TRRAP: variants seen among roughly 807,000 people sequenced by gnomAD.
The protein encoded by TRRAP is transformation/transcription domain-associated protein.
A neutral mutation model predicts 438.8 loss-of-function variants in TRRAP; 41 were observed. The observed-to-expected ratio is 0.09, with a 90% CI of 0.07 to 0.12. TRRAP has a LOEUF of 0.12. Among genes scored for constraint, TRRAP ranks in the 10% least tolerant of loss-of-function variants. The probability of loss-of-function intolerance (pLI) is 1.00; values close to 1 mark genes in which losing one functional copy is unlikely to be tolerated. For missense variants in TRRAP, 3,122 were observed against 5,055.1 expected, an observed-to-expected ratio of 0.62 and a Z score of 11.60; for synonymous variants, 1,994 against 1,962.9, an observed-to-expected ratio of 1.02 and a Z score of -0.42.
At chr7:98,939,380 A>G (rs968785690) in intron 30 of TRRAP, among the ~76,000 whole-genome samples, 1 of 152,230 alleles carries the variant, frequency 6.6e-6, no homozygotes, top group African/African-American at 2.4e-5. Flanking sequence ...TTATCTACAC[A>G]TGGAATGTAG....
chr7:98,931,424 C>T lies in TRRAP; in HGVS notation c.3611C>T (p.Ala1204Val). The change falls in exon 26 of 73, where the codon GCT becomes GTT. Residue 1204 changes from alanine to valine, a missense_variant. This residue lies in a region of TRRAP where 153 missense variants were observed against 223.0 expected (regional missense o/e 0.69). Coordinates refer to ENST00000456197, the MANE Select transcript of TRRAP (RefSeq NM_001375524.1). ...TTGCAGGTTTCCAATGGGGCAGTCG[C>T]TATGGCAAAGACCACGCTGGAGCAG... ...LTGEVSNGAV[A>V]MAKTTLEQLL... The T allele has an allele frequency of 6.2e-7, 1 of 1,613,970 alleles. No homozygotes were observed. The highest frequency in any genetic ancestry group is 8.5e-7 in the Non-Finnish European group (1 of 1,180,004).
rs745492211 is a variant in TRRAP at position 98,964,792 on chromosome 7, CG to C, written c.6976+22del. On this transcript the variant is annotated intron_variant, in intron 48 of 72. Coordinates refer to ENST00000456197, the MANE Select transcript of TRRAP (RefSeq NM_001375524.1). ...CCACCTCAGGTGATGTGCTGGCCAC[CG>C]GGGGCCTTTCCTCAGACTCTGTTGA... The C allele has an allele frequency of 1.3e-5, 21 of 1,605,996 alleles. No individual in the cohort carries two copies. In the African/African-American group the frequency reaches 2.1e-4, roughly 16 times the overall value.
chr7:98,904,554 A>G (rs1181219367), intron 12 of TRRAP, among the ~76,000 whole-genome samples: 3 of 152,006 alleles, frequency 2.0e-5, no homozygotes, highest in Non-Finnish European at 2.9e-5. Context: ...TTACTGTACA[A>G]GCTAGCCCCT....
At chr7:98,930,969 T>G in intron 25 of TRRAP, 139 bp downstream of exon 25, 1 of 1,160,826 alleles carries the variant, frequency 8.6e-7, no homozygotes, top group Non-Finnish European at 1.2e-6. Context: ...TTCAGCATCT[T>G]CACTAAAAGG....
chr7:98,988,696 A>G (rs1793257409), intron 62 of TRRAP, 69 bp from the exon 63 acceptor site: 2 of 1,545,136 alleles, frequency 1.3e-6, no homozygotes, highest in South Asian at 1.2e-5. Flanking sequence ...TATAATGGTT[A>G]ATTTCAGATT....
intron 67 of TRRAP, among the ~76,000 whole-genome samples, chr7:98,997,483 CAAAAAAAAAAA>C (rs61132070): frequency 2.0e-3 from 87 of 42,632 alleles, no homozygotes; most frequent in African/African-American, 6.5e-3. Flanking sequence ...ACTGCTGTTG[CAAAAAAAAAAA>C]AAAAAAAAAA....
At chr7:98,929,831 T>C (rs1187071353) in intron 23 of TRRAP, among the ~76,000 whole-genome samples, 158 bp from the exon 24 acceptor site, 1 of 152,148 alleles carries the variant, frequency 6.6e-6, no homozygotes, top group Non-Finnish European at 1.5e-5. Flanking sequence ...CTATGTCAAG[T>C]GATCCTCCTG....
At position 98,976,053 on chromosome 7, in the gene TRRAP, T is replaced by G; in HGVS notation, c.7840-96T>G. On this transcript the variant is annotated intron_variant, in intron 53 of 72. Coordinates refer to ENST00000456197, the MANE Select transcript of TRRAP (RefSeq NM_001375524.1). This position sits in a 1 kb window ranked among gnomAD's most constrained non-coding sequence, Gnocchi z 4.6. Reference sequence around the variant, plus strand: ...AACTTTGAAAGTGGAGGAGCATCGGTAATGTATGAGACAGATCATGGGTGT... The same window carrying G: ...AACTTTGAAAGTGGAGGAGCATCGGGAATGTATGAGACAGATCATGGGTGT... The G allele has an allele frequency of 7.0e-7, 1 of 1,432,244 alleles. No individual in the cohort carries two copies. The highest frequency in any genetic ancestry group is 9.4e-7 in the Non-Finnish European group (1 of 1,063,810). 88.7% of individuals were successfully genotyped at this position (1,432,244 alleles called of 1,614,324 possible).
rs1365277272 is a variant in TRRAP at position 98,994,793 on chromosome 7, G to A, written c.10254G>A (p.Ala3418=). The A allele has an allele frequency of 5.6e-6, 9 of 1,614,004 alleles. No homozygotes were observed. The highest frequency in any genetic ancestry group is 4.4e-5 in the South Asian group (4 of 91,088). Reference sequence around the variant, plus strand: ...CCTCTGAGTCTCTGGCCCGGCGGGCGCAGGCCACTGCACAAGACCCTGTCT... The same window carrying A: ...CCTCTGAGTCTCTGGCCCGGCGGGCACAGGCCACTGCACAAGACCCTGTCT... ...SAASESLARR[A]QATAQDPVFQ... is the part of the protein sequence containing the mutation. Residue 3418 remains alanine, a synonymous_variant, in exon 67 of 73, where the codon GCG becomes GCA. Coordinates refer to ENST00000456197, the MANE Select transcript of TRRAP (RefSeq NM_001375524.1). This position sits in a 1 kb window ranked among gnomAD's most constrained non-coding sequence, Gnocchi z 4.8.
At chr7:98,975,621 CTTCTG>C (rs763248150) in intron 53 of TRRAP, among the ~76,000 whole-genome samples, 4 of 152,250 alleles carry the variant, frequency 2.6e-5, no homozygotes, top group Non-Finnish European at 4.4e-5. Flanking sequence ...GTTCCATTCT[CTTCTG>C]TTCTGTTTCA....
intron 56 of TRRAP, among the ~76,000 whole-genome samples, chr7:98,977,602 C>T (rs1418699293): frequency 2.0e-5 from 3 of 152,192 alleles, no homozygotes; most frequent in East Asian, 3.8e-4. Flanking sequence ...TAGATGCCAG[C>T]GTGGATGCTT....
intron 22 of TRRAP, 112 bp downstream of exon 22, chr7:98,925,375 C>G: frequency 7.0e-7 from 1 of 1,423,808 alleles, no homozygotes; most frequent in South Asian, 1.4e-5. Context: ...TGAAGTCCAG[C>G]AGATGCCATA....
chr7:98,883,719 G>A (rs1795567048), intron 3 of TRRAP, among the ~76,000 whole-genome samples: 1 of 152,072 alleles, frequency 6.6e-6, no homozygotes, highest in African/African-American at 2.4e-5. Flanking sequence ...TCACCATGTT[G>A]CCCAGGCTGG....
intron 64 of TRRAP, among the ~76,000 whole-genome samples, 181 bp from the exon 65 acceptor site, chr7:98,991,955 AT>A: frequency 6.6e-6 from 1 of 152,252 alleles, no homozygotes; most frequent in Middle Eastern, 3.4e-3. Flanking sequence ...TGAATTAAAT[AT>A]TTTGCCTGCT....
In TRRAP at chr7:98,908,506, A is replaced by G. The variant is rs192170514; in HGVS notation, c.1116-222A>G. Among the ~76,000 whole-genome samples the G allele has an allele frequency of 7.6e-4, 116 of 152,346 alleles. No individual in the cohort carries two copies. Among genetic ancestry groups the G allele is most frequent in the Non-Finnish European group, 1.3e-3 (88 of 68,040 alleles). On this transcript the variant is annotated intron_variant, in intron 13 of 72. Transcript: ENST00000456197. This position sits in a 1 kb window ranked among gnomAD's most constrained non-coding sequence, Gnocchi z 4.1. ...TATTAGTAACTTTATGACGTGCACA[A>G]AGTTAACCTTTTAGCTTGGAAGGTA...
chr7:98,924,687 T>TG (rs1554411188), intron 21 of TRRAP, among the ~76,000 whole-genome samples: 2 of 21,818 alleles, frequency 9.2e-5, no homozygotes, highest in Non-Finnish European at 2.1e-4. Context: ...AGACTCCGTC[T>TG]CAAAAAAAAA....
intron 11 of TRRAP, among the ~76,000 whole-genome samples, chr7:98,901,850 C>T (rs1796483400): frequency 1.3e-5 from 2 of 152,162 alleles, no homozygotes; most frequent in South Asian, 4.1e-4. Flanking sequence ...CTAAAAACAG[C>T]GTTATTGAGA....
intron 11 of TRRAP, among the ~76,000 whole-genome samples, chr7:98,902,133 T>C (rs1053708063): frequency 9.2e-5 from 14 of 152,332 alleles, no homozygotes; most frequent in African/African-American, 3.4e-4. Context: ...TATGGACATA[T>C]TTGGTTCATT....
At chr7:98,907,618 G>C (rs1796841655) in intron 13 of TRRAP, among the ~76,000 whole-genome samples, 1 of 152,208 alleles carries the variant, frequency 6.6e-6, no homozygotes, top group African/African-American at 2.4e-5. Flanking sequence ...GTGGCTTTCT[G>C]TAGTTCTTAG....
Sources: gnomAD v4.1 joint callset for allele counts (sites outside exome capture counted in the v4.1 genomes callset) on GRCh38, gnomAD v4.1.1 for gene constraint, gnomAD v4.1.1 regional missense constraint, Gnocchi (gnomAD v3.1) non-coding constraint, MANE v1.5 for transcripts, NCBI Gene and HGNC (gene_info 2026-07-23, HGNC 2026-07-21) for gene names.